Variants in KLHDC10 observed in about 807,000 individuals in gnomAD.
KLHDC10 encodes kelch domain containing 10.
A neutral mutation model predicts 56.1 loss-of-function variants in KLHDC10; 24 were observed. That is an observed-to-expected ratio of 0.43 (90% confidence interval 0.31 to 0.60). The LOEUF is 0.60. Among genes scored for constraint, KLHDC10 ranks in the 20% least tolerant of loss-of-function variants. The pLI is 0.11. For missense variants in KLHDC10, 349 were observed against 567.0 expected, an observed-to-expected ratio of 0.62 and a Z score of 3.91; for synonymous variants, 188 against 207.1, an observed-to-expected ratio of 0.91 and a Z score of 0.79.
chr7:130,074,151 C>A (rs1027866809), intron 1 of KLHDC10, among the ~76,000 whole-genome samples: 3 of 152,136 alleles, frequency 2.0e-5, no homozygotes, highest in Non-Finnish European at 4.4e-5. Flanking sequence ...TCTTTTTCTG[C>A]CCCCTTGGAT....
intron 2 of KLHDC10, among the ~76,000 whole-genome samples, chr7:130,108,845 C>CT (rs1563103083): frequency 6.6e-6 from 1 of 152,142 alleles, no homozygotes; most frequent in East Asian, 1.9e-4. Context: ...CCCTTCCCCC[C>CT]TTTATACACA....
At chr7:130,071,860 C>A (rs1216016195) in intron 1 of KLHDC10, among the ~76,000 whole-genome samples, 1 of 152,048 alleles carries the variant, frequency 6.6e-6, no homozygotes, top group Non-Finnish European at 1.5e-5. Context: ...CCTTATACTT[C>A]TAGTCAAAAA....
Position 130,133,378 on chromosome 7 carries a change from G to A in KLHDC10, c.*2632G>A, listed in dbSNP as rs1445042157. On this transcript the variant is annotated 3_prime_UTR_variant, in exon 10 of 10. Coordinates refer to ENST00000335420, the MANE Select transcript of KLHDC10 (RefSeq NM_014997.4). ...TCTTACTACAGTCCTGTAAATTTAA[G>A]TGCAATATATAGAAACATATGGATA... The A allele has an allele frequency of 6.6e-6, 1 of 152,172 alleles. No homozygotes were observed. Among genetic ancestry groups the A allele is most frequent in the Non-Finnish European group, 1.5e-5 (1 of 68,032 alleles). 9.4% of individuals were successfully genotyped at this position (152,172 alleles called of 1,614,324 possible). A position where few individuals can be genotyped will look rare whatever the true frequency, so the allele number is the denominator to read the frequency against.
chr7:130,122,873 T>A (rs1454112260), intron 5 of KLHDC10, among the ~76,000 whole-genome samples: 2 of 152,174 alleles, frequency 1.3e-5, no homozygotes, highest in Non-Finnish European at 2.9e-5. Context: ...ACTTGCATAT[T>A]AGAATTCTTT....
chr7:130,130,157 A>C lies in KLHDC10; in HGVS notation c.1120-380A>C, dbSNP rs560288715. Among the ~76,000 whole-genome samples the C allele has an allele frequency of 1.6e-4, 25 of 152,042 alleles. No individual in the cohort carries two copies. Among genetic ancestry groups the C allele is most frequent in the East Asian group, 3.9e-4 (2 of 5,154 alleles). Reference sequence around the variant, plus strand: ...CGGATGAAACCCCATCTCTACTAAAAATACAAAAAAAAATTAGCCGGACGT... The same window carrying C: ...CGGATGAAACCCCATCTCTACTAAACATACAAAAAAAAATTAGCCGGACGT... On this transcript the variant is annotated intron_variant, in intron 9 of 9. Transcript: ENST00000335420. This position sits in a 1 kb window ranked among gnomAD's most constrained non-coding sequence, Gnocchi z 4.2.
rs563451915 is a variant in KLHDC10, at chr7:130,133,222, A to C, written c.*2476A>C. The C allele has an allele frequency of 7.2e-5, 11 of 152,280 alleles. No homozygotes were observed. The highest frequency in any genetic ancestry group is 2.2e-4 in the African/African-American group (9 of 41,550). The allele number at this position is 152,280 out of a possible 1,614,324, so 9.4% of individuals were successfully genotyped here. On this transcript the variant is annotated 3_prime_UTR_variant, in exon 10 of 10. Transcript: ENST00000335420. ...TGTAAATGACTAAGTGTAGATAACT[A>C]GAAATTAGATAGGGGTCATCAGGCG...
intron 7 of KLHDC10, among the ~76,000 whole-genome samples, 195 bp downstream of exon 7, chr7:130,126,126 A>G (rs896764276): frequency 1.4e-4 from 21 of 152,158 alleles, no homozygotes; most frequent in African/African-American, 5.1e-4. Flanking sequence ...GACCAGCCCA[A>G]GCAACATGGT....
chr7:130,078,611 C>T (rs750949542), intron 1 of KLHDC10, among the ~76,000 whole-genome samples: 5 of 151,618 alleles, frequency 3.3e-5, no homozygotes, highest in African/African-American at 9.7e-5. Context: ...CTCTGCCTCC[C>T]GGGTTCACGC....
At position 130,096,935 on chromosome 7, in the gene KLHDC10, C is replaced by T. The variant is rs771007097; in HGVS notation, c.181C>T (p.Arg61Ter). The T allele has an allele frequency of 3.1e-6, 5 of 1,610,180 alleles. No individual in the cohort carries two copies. The African/African-American group carries it at 4.0e-5, about 13-fold the overall frequency. The change falls in exon 2 of 10, where the codon CGA becomes TGA. Residue 61 changes from arginine (R) to a stop codon, truncating the protein, a stop_gained. Transcript: ENST00000335420. LOFTEE classifies it high-confidence loss of function. Reference sequence around the variant, plus strand: ...TGTGGTAACAGGTAAGAAGAAAATACGATGGGACCCAGTTAGGAGGCGCTT... The same window carrying T: ...TGTGGTAACAGGTAAGAAGAAAATATGATGGGACCCAGTTAGGAGGCGCTT... ...RPHLPGKKKI[R>*]WDPVRRRFIQ...
At chr7:130,076,060 G>A (rs1795498294) in intron 1 of KLHDC10, among the ~76,000 whole-genome samples, 4 of 152,070 alleles carry the variant, frequency 2.6e-5, no homozygotes, top group Admixed American at 2.6e-4. Context: ...TGGAGGAGTG[G>A]GGGGAATGGT....
At chr7:130,109,414 A>G (rs1327114882) in intron 2 of KLHDC10, among the ~76,000 whole-genome samples, 1 of 151,746 alleles carries the variant, frequency 6.6e-6, no homozygotes, top group Admixed American at 6.6e-5. Context: ...GTCGGTACAG[A>G]TAGGGTTTCA....
chr7:130,122,751 GC>G (rs981764339), intron 5 of KLHDC10, among the ~76,000 whole-genome samples: 3 of 152,264 alleles, frequency 2.0e-5, no homozygotes, highest in African/African-American at 7.2e-5. Flanking sequence ...GCACCGTGTT[GC>G]CCAGGCTGCT....
At chr7:130,078,001 CA>C (rs939433356) in intron 1 of KLHDC10, among the ~76,000 whole-genome samples, 66 of 152,152 alleles carry the variant, frequency 4.3e-4, no homozygotes, top group African/African-American at 1.6e-3. Context: ...TAGAGAATAA[CA>C]GGTATAGCTA....
chr7:130,070,700 C>T lies in KLHDC10; in HGVS notation c.57C>T (p.Gly19=). The T allele has an allele frequency of 7.8e-7, 1 of 1,289,756 alleles. No homozygotes were observed. The highest frequency in any genetic ancestry group is 9.9e-7 in the Non-Finnish European group (1 of 1,013,788). 79.9% of individuals were successfully genotyped at this position (1,289,756 alleles called of 1,614,324 possible). A position where few individuals can be genotyped will look rare whatever the true frequency, so the allele number is the denominator to read the frequency against. ...RNRRRGGGAA[G]AGGGGSGAGG... ...GCCGGAGGGGAGGAGGCGCCGCCGG[C>T]GCTGGTGGCGGAGGTAGCGGGGCCG... The change falls in exon 1 of 10, where the codon GGC becomes GGT. Residue 19 remains glycine, a synonymous_variant. Coordinates refer to ENST00000335420, the MANE Select transcript of KLHDC10 (RefSeq NM_014997.4).
chr7:130,090,761 CAT>C (rs1360475249), intron 1 of KLHDC10, among the ~76,000 whole-genome samples: 1 of 102,576 alleles, frequency 9.7e-6, no homozygotes, highest in African/African-American at 3.6e-5. Flanking sequence ...CAGTTTTACA[CAT>C]ACTCGTGTGT....
intron 6 of KLHDC10, 24 bp from the exon 7 acceptor site, chr7:130,125,841 T>C (rs761002673): frequency 6.4e-7 from 1 of 1,552,584 alleles, no homozygotes; most frequent in Admixed American, 2.0e-5. Context: ...TATGTATGTG[T>C]ATATGTTCTT....
At position 130,081,717 on chromosome 7, in the gene KLHDC10, C is replaced by A. The variant is rs76316300; in HGVS notation, c.166+10908C>A. Among the ~76,000 whole-genome samples, 983 of 152,294 alleles carry A rather than the reference C, an allele frequency of 6.5e-3. 11 individuals carry two copies. Among genetic ancestry groups the A allele is most frequent in the African/African-American group, 0.022 (913 of 41,542 alleles). Reference sequence around the variant, plus strand: ...AACAATGTTTTGGGTTTTCACAGGTCATTTATGTTTTGCCTGCCTTTCTCA... The same window carrying A: ...AACAATGTTTTGGGTTTTCACAGGTAATTTATGTTTTGCCTGCCTTTCTCA... On this transcript the variant is annotated intron_variant, in intron 1 of 9. Coordinates refer to ENST00000335420, the MANE Select transcript of KLHDC10 (RefSeq NM_014997.4).
At chr7:130,122,236 T>C in intron 5 of KLHDC10, 34 bp downstream of exon 5, 1 of 1,605,874 alleles carries the variant, frequency 6.2e-7, no homozygotes, top group Non-Finnish European at 8.5e-7. Context: ...ATTTATTCTT[T>C]CGTGCTAACA....
In KLHDC10 at chr7:130,125,849, C is replaced by T; in HGVS notation, c.865-16C>T. The T allele has an allele frequency of 6.4e-7, 1 of 1,573,052 alleles. No homozygotes were observed. The highest frequency in any genetic ancestry group is 8.6e-7 in the Non-Finnish European group (1 of 1,159,460). ...AATTATTTATGTATGTGTATATGTT[C>T]TTTTTTTTCTCCAAGATCCATGCAT... On this transcript the variant is annotated splice_polypyrimidine_tract_variant and intron_variant, in intron 6 of 9. Transcript: ENST00000335420.
Sources: gnomAD v4.1 joint callset for allele counts (sites outside exome capture counted in the v4.1 genomes callset) on GRCh38, gnomAD v4.1.1 for gene constraint, Gnocchi (gnomAD v3.1) non-coding constraint, MANE v1.5 for transcripts, NCBI Gene and HGNC (gene_info 2026-07-23, HGNC 2026-07-21) for gene names.